The following ZRANB3 variants were observed in gnomAD, a reference collection of about 807,000 sequenced individuals.
ZRANB3 encodes the protein DNA annealing helicase and endonuclease ZRANB3.
ZRANB3 carries 125 observed loss-of-function variants against 133.8 expected under a neutral mutation model. The observed-to-expected ratio is 0.93, with a 90% CI of 0.81 to 1.08. The LOEUF (loss-of-function observed/expected upper bound fraction) is 1.08, where lower values mean the gene tolerates loss of function less well. Ranked by LOEUF, ZRANB3 falls within the 50% of genes least tolerant of loss-of-function variation. The probability of loss-of-function intolerance (pLI) is 0.00; values close to 1 mark genes in which losing one functional copy is unlikely to be tolerated. For missense variants in ZRANB3, 1,229 were observed against 1,275.5 expected, an observed-to-expected ratio of 0.96 and a Z score of 0.56; for synonymous variants, 387 against 432.7, an observed-to-expected ratio of 0.89 and a Z score of 1.31.
intron 1 of ZRANB3, among the ~76,000 whole-genome samples, chr2:135,514,158 T>C (rs1693599610): frequency 6.6e-6 from 1 of 152,110 alleles, no homozygotes; most frequent in African/African-American, 2.4e-5. Context: ...TTTAAAGTAG[T>C]TTTTTCTAAG....
At chr2:135,466,137 CT>C (rs1428417506) in intron 2 of ZRANB3, among the ~76,000 whole-genome samples, 1 of 152,010 alleles carries the variant, frequency 6.6e-6, no homozygotes, top group African/African-American at 2.4e-5. Context: ...AATCCCAGCA[CT>C]TTGGGAGGCT....
chr2:135,496,134 C>A (rs1354392774), intron 2 of ZRANB3, among the ~76,000 whole-genome samples: 4 of 151,682 alleles, frequency 2.6e-5, no homozygotes, highest in Non-Finnish European at 2.9e-5. Context: ...TGTAATCCCA[C>A]CACTTTGGGA....
At chr2:135,298,926 T>C (rs1290230487) in intron 8 of ZRANB3, among the ~76,000 whole-genome samples, 1 of 152,136 alleles carries the variant, frequency 6.6e-6, no homozygotes, top group Non-Finnish European at 1.5e-5. Flanking sequence ...GTCGCTGTAA[T>C]GGCTTGAGTT....
chr2:135,246,031 C>CT (rs1347290694), intron 12 of ZRANB3, among the ~76,000 whole-genome samples: 7 of 117,682 alleles, frequency 5.9e-5, no homozygotes, highest in African/African-American at 2.4e-4. Context: ...CTTTTCTTTT[C>CT]TTTCTTTCTT....
intron 8 of ZRANB3, among the ~76,000 whole-genome samples, chr2:135,293,243 C>T (rs1031360628): frequency 6.6e-6 from 1 of 152,068 alleles, no homozygotes; most frequent in Non-Finnish European, 1.5e-5. Context: ...AATGTTCTTC[C>T]ATTTGTTTGT....
intron 3 of ZRANB3, among the ~76,000 whole-genome samples, chr2:135,382,842 A>G (rs1048286262): frequency 6.6e-6 from 1 of 152,210 alleles, no homozygotes; most frequent in African/African-American, 2.4e-5. Flanking sequence ...TGAAGGAAGC[A>G]CTAAACATGG....
At position 135,252,206 on chromosome 2, in the gene ZRANB3, G is replaced by T. The variant is rs188346079; in HGVS notation, c.1539+13328C>A. Among the ~76,000 whole-genome samples, 11 of 152,290 alleles carry T rather than the reference G, an allele frequency of 7.2e-5. No homozygotes were observed. In the East Asian group the frequency reaches 2.1e-3, roughly 29 times the overall value. ...TAGGGTCTACTTGAGAGGGGAGGTTGCATGAGGAAGAAGAGCAAAAAAGAT... is the reference window on the plus strand; with the variant it reads ...TAGGGTCTACTTGAGAGGGGAGGTTTCATGAGGAAGAAGAGCAAAAAAGAT... On this transcript the variant is annotated intron_variant, in intron 12 of 20. Transcript: ENST00000264159.
chr2:135,210,320 C>CATTTTATTTTATTTT (rs10630129), intron 17 of ZRANB3, among the ~76,000 whole-genome samples: 2 of 151,674 alleles, frequency 1.3e-5, no homozygotes, highest in African/African-American at 4.9e-5. Context: ...CTGATTAATT[C>CATTTTATTTTATTTT]ATTTTATTTT....
At chr2:135,346,516 A>G (rs886956954) in intron 5 of ZRANB3, among the ~76,000 whole-genome samples, 2 of 151,748 alleles carry the variant, frequency 1.3e-5, no homozygotes, top group African/African-American at 4.8e-5. Context: ...TTAATCATCT[A>G]TCTATCCATC....
At position 135,199,760 on chromosome 2, in the gene ZRANB3, A is replaced by C. The variant is rs866001249; in HGVS notation, c.*582T>G. On this transcript the variant is annotated 3_prime_UTR_variant, in exon 21 of 21. Coordinates refer to ENST00000264159, the MANE Select transcript of ZRANB3 (RefSeq NM_032143.4). ...AAACACCATAGGTACCTCATTTTGAAAAGGATATTTTTGATAAAGATGACT... is the reference window on the plus strand; with the variant it reads ...AAACACCATAGGTACCTCATTTTGACAAGGATATTTTTGATAAAGATGACT... The C allele has an allele frequency of 6.5e-6, 1 of 152,804 alleles. No individual in the cohort carries two copies. The highest frequency in any genetic ancestry group is 2.4e-5 in the African/African-American group (1 of 41,450). The allele number at this position is 152,804 out of a possible 1,614,324, so 9.5% of individuals were successfully genotyped here.
intron 12 of ZRANB3, among the ~76,000 whole-genome samples, chr2:135,256,200 G>T (rs1034308657): frequency 6.6e-6 from 1 of 152,072 alleles, no homozygotes; most frequent in Non-Finnish European, 1.5e-5. Flanking sequence ...AGTCTATTTT[G>T]TGTCTCTATG....
At chr2:135,513,755 T>C (rs1233785011) in intron 1 of ZRANB3, among the ~76,000 whole-genome samples, 1 of 152,196 alleles carries the variant, frequency 6.6e-6, no homozygotes, top group Admixed American at 6.5e-5. Context: ...TTTATGGTTT[T>C]AGGTCTTATG....
chr2:135,413,335 G>T (rs1688395675), intron 2 of ZRANB3, among the ~76,000 whole-genome samples: 1 of 152,094 alleles, frequency 6.6e-6, no homozygotes, highest in Non-Finnish European at 1.5e-5. Flanking sequence ...AAGCCATTTT[G>T]AGTTGTATTT....
At chr2:135,269,392 A>G (rs139596475) in intron 10 of ZRANB3, among the ~76,000 whole-genome samples, 2 of 152,278 alleles carry the variant, frequency 1.3e-5, no homozygotes, top group African/African-American at 4.8e-5. Context: ...GTAAGTATAT[A>G]AACTAAATCA....
At chr2:135,522,021 T>C (rs1268575777) in intron 1 of ZRANB3, among the ~76,000 whole-genome samples, 1 of 152,144 alleles carries the variant, frequency 6.6e-6, no homozygotes, top group East Asian at 1.9e-4. Context: ...GCATAACAGC[T>C]CTGCAGCATG....
chr2:135,279,671 T>C (rs1240371308), intron 8 of ZRANB3, among the ~76,000 whole-genome samples: 1 of 152,194 alleles, frequency 6.6e-6, no homozygotes, highest in Non-Finnish European at 1.5e-5. Flanking sequence ...CCTCCACTGA[T>C]ATCACCTGCT....
chr2:135,418,727 G>A (rs1688698121), intron 2 of ZRANB3, among the ~76,000 whole-genome samples: 1 of 151,902 alleles, frequency 6.6e-6, no homozygotes. Context: ...CAGAGGAGGA[G>A]GTACTAGGAA....
In ZRANB3 at chr2:135,198,113, C is replaced by T. The variant is rs977467247; in HGVS notation, c.*2229G>A. 3.9e-5 allele frequency: 6 copies of T among 152,326 alleles called. No homozygotes were observed. Among genetic ancestry groups the T allele is most frequent in the African/African-American group, 1.4e-4 (6 of 41,468 alleles). 9.4% of individuals were successfully genotyped at this position (152,326 alleles called of 1,614,324 possible). On this transcript the variant is annotated 3_prime_UTR_variant, in exon 21 of 21. Transcript: ENST00000264159. ...CTGAGTGGCAGCAGCTGTCTTCTTCCTGGGGCATCTGCACTTCCTTCTGCA... is the reference window on the plus strand; with the variant it reads ...CTGAGTGGCAGCAGCTGTCTTCTTCTTGGGGCATCTGCACTTCCTTCTGCA...
intron 7 of ZRANB3, among the ~76,000 whole-genome samples, 181 bp downstream of exon 7, chr2:135,315,178 A>G (rs577476151): frequency 6.6e-6 from 1 of 152,342 alleles, no homozygotes; most frequent in African/African-American, 2.4e-5. Context: ...CATCTGATGA[A>G]TAAAATTGAA....
Sources: gnomAD v4.1 joint callset for allele counts (sites outside exome capture counted in the v4.1 genomes callset) on GRCh38, gnomAD v4.1.1 for gene constraint, MANE v1.5 for transcripts, NCBI Gene and HGNC (gene_info 2026-07-23, HGNC 2026-07-21) for gene names.